PCDHGA7: variants seen among roughly 807,000 people sequenced by gnomAD.
PCDHGA7 encodes protocadherin gamma-A7.
Under a neutral mutation model 58.3 loss-of-function variants are expected in PCDHGA7, and 44 were observed. The observed-to-expected ratio is 0.75, with a 90% CI of 0.59 to 0.97. The LOEUF is 0.97. PCDHGA7 is among the 50% of genes least tolerant of loss of function. PCDHGA7 has a pLI of 0.00. For synonymous variants in PCDHGA7, 516 were observed against 504.2 expected (o/e 1.02, Z -0.31); for missense variants, 1,266 against 1,188.7 (o/e 1.06, Z -0.96).
rs1319222603 is a variant in PCDHGA7 at position 141,438,686 on chromosome 5, A to G, written c.2424+53363A>G. Among the ~76,000 whole-genome samples the G allele has an allele frequency of 2.8e-5, 4 of 140,922 alleles. No homozygotes were observed. The Admixed American group carries it at 2.9e-4, about 10-fold the overall frequency. 92.5% of individuals were successfully genotyped at this position (140,922 alleles called of 152,430 possible). On this transcript the variant is annotated intron_variant, in intron 1 of 3. Transcript: ENST00000518325. ...TATATATATTTGGAGTAGGGGATGGAGTCTTGCTCTGTCACCCAGGCTGGA... is the reference window on the plus strand; with the variant it reads ...TATATATATTTGGAGTAGGGGATGGGGTCTTGCTCTGTCACCCAGGCTGGA...
At chr5:141,393,777 G>A (rs1388423635) in intron 1 of PCDHGA7, 2 of 1,613,916 alleles carry the variant, frequency 1.2e-6, no homozygotes, top group East Asian at 2.2e-5. Context: ...AATACAAGCC[G>A]AAGATGTGGG....
intron 1 of PCDHGA7, among the ~76,000 whole-genome samples, chr5:141,464,193 A>C (rs991769179): frequency 1.3e-5 from 2 of 149,674 alleles, no homozygotes; most frequent in Non-Finnish European, 3.0e-5. Flanking sequence ...TGATTTCAGG[A>C]GGCGGAGATT....
At position 141,382,921 on chromosome 5, in the gene PCDHGA7, G is replaced by A; in HGVS notation, c.22G>A (p.Gly8Arg). MAAQPRG[G>R]DYRGFFLLSI... Reference sequence around the variant, plus strand: ...GACTATGGCGGCTCAGCCGAGGGGCGGGGACTACAGAGGATTCTTCCTGCT... The same window carrying A: ...GACTATGGCGGCTCAGCCGAGGGGCAGGGACTACAGAGGATTCTTCCTGCT... The change falls in exon 1 of 4, where the codon GGG becomes AGG. Residue 8 changes from glycine to arginine, a missense_variant. By Grantham distance (125) the Gly-to-Arg change is moderately radical (BLOSUM62 -2). Transcript: ENST00000518325. 2 of 1,560,324 alleles carry A rather than the reference G, an allele frequency of 1.3e-6. No homozygotes were observed. Among genetic ancestry groups the A allele is most frequent in the South Asian group, 1.2e-5 (1 of 83,946 alleles).
At chr5:141,402,433 A>C (rs1331958085) in intron 1 of PCDHGA7, among the ~76,000 whole-genome samples, 1 of 152,146 alleles carries the variant, frequency 6.6e-6, no homozygotes, top group Non-Finnish European at 1.5e-5. Context: ...GAAGCATCAT[A>C]AAAAGGAAAT....
At chr5:141,422,044 G>C in intron 1 of PCDHGA7, 1 of 1,611,530 alleles carries the variant, frequency 6.2e-7, no homozygotes, top group Admixed American at 1.7e-5. Flanking sequence ...TCCAGACGAG[G>C]GAATCAACGG....
chr5:141,388,326 C>T, intron 1 of PCDHGA7: 1 of 1,613,878 alleles, frequency 6.2e-7, no homozygotes, highest in Non-Finnish European at 8.5e-7. Context: ...GTCTGCACAG[C>T]CTGGCACACG....
rs772190655 is a variant in PCDHGA7 at position 141,384,694 on chromosome 5, G to A, written c.1795G>A (p.Gly599Ser). The A allele has an allele frequency of 6.2e-7, 1 of 1,614,084 alleles. No individual in the cohort carries two copies. The highest frequency in any genetic ancestry group is 8.5e-7 in the Non-Finnish European group (1 of 1,180,018). ...GGTGGTGGCGGTGGACAAAGATTCA[G>A]GCCAGAACGCCTGGCTGTCATACCT... ...TKVVAVDKDS[G>S]QNAWLSYLLL... The change falls in exon 1 of 4, where the codon GGC becomes AGC. Residue 599 changes from glycine to serine, a missense_variant. Gly to Ser is a moderately conservative substitution (Grantham distance 56). Coordinates refer to ENST00000518325, the MANE Select transcript of PCDHGA7 (RefSeq NM_018920.4).
At chr5:141,423,448 T>A (rs780751840) in intron 1 of PCDHGA7, 1 of 1,613,992 alleles carries the variant, frequency 6.2e-7, no homozygotes, top group East Asian at 2.2e-5. Context: ...CACGTCACAT[T>A]TTGTAGGCGT....
intron 2 of PCDHGA7, among the ~76,000 whole-genome samples, chr5:141,495,758 C>T (rs2099763543): frequency 6.6e-6 from 1 of 152,122 alleles, no homozygotes; most frequent in Non-Finnish European, 1.5e-5. Flanking sequence ...ATCTCTGCCT[C>T]CCTGTCCTTG....
At chr5:141,398,698 T>C (rs2093690457) in intron 1 of PCDHGA7, 2 of 1,613,680 alleles carry the variant, frequency 1.2e-6, no homozygotes, top group Admixed American at 1.7e-5. Flanking sequence ...TGGTAGTAAA[T>C]ACCCGGAACT....
At chr5:141,413,177 T>G (rs2095610843) in intron 1 of PCDHGA7, 4 of 1,602,350 alleles carry the variant, frequency 2.5e-6, no homozygotes, top group Non-Finnish European at 3.4e-6. Flanking sequence ...CAGACTACAA[T>G]GGCCGCTCAA....
At chr5:141,439,531 G>A (rs1474855779) in intron 1 of PCDHGA7, among the ~76,000 whole-genome samples, 5 of 152,126 alleles carry the variant, frequency 3.3e-5, no homozygotes, top group Admixed American at 3.3e-4. Flanking sequence ...TCTACAGAAC[G>A]CTGTCCTCTC....
chr5:141,390,095 T>C lies in PCDHGA7; in HGVS notation c.2424+4772T>C, dbSNP rs763642761. 3 of 1,613,972 alleles carry C rather than the reference T, an allele frequency of 1.9e-6. No individual in the cohort carries two copies. In the South Asian group the frequency reaches 3.3e-5, roughly 18 times the overall value. ...TCTGTGTTAAATCCGAATCCGTGGT[T>C]CCCCCCAACTACAGCGAGGGGACTT... On this transcript the variant is annotated intron_variant, in intron 1 of 3. Coordinates refer to ENST00000518325, the MANE Select transcript of PCDHGA7 (RefSeq NM_018920.4).
chr5:141,453,540 A>G (rs890130466), intron 1 of PCDHGA7, among the ~76,000 whole-genome samples: 2 of 152,058 alleles, frequency 1.3e-5, no homozygotes, highest in Non-Finnish European at 2.9e-5. Context: ...CCTCATTCAC[A>G]CCACACTCTG....
Position 141,491,898 on chromosome 5 carries a change from G to C in PCDHGA7, c.2425-2909G>C, listed in dbSNP as rs772673872. 9.0e-5 allele frequency: 129 copies of C among 1,428,816 alleles called. 1 individual carries two copies. In the Middle Eastern group the frequency reaches 2.0e-3, roughly 22 times the overall value. The allele number at this position is 1,428,816 out of a possible 1,614,324, so 88.5% of individuals were successfully genotyped here. On this transcript the variant is annotated intron_variant, in intron 1 of 3. Coordinates refer to ENST00000518325, the MANE Select transcript of PCDHGA7 (RefSeq NM_018920.4). The surrounding 1 kb of genome is among the most constrained non-coding windows in gnomAD (Gnocchi z 6.9). ...ATTAAGGGATGGGGCTCCGAGCACCGGGGGTGGTGGCGACTGTGGGCGAGG... is the reference window on the plus strand; with the variant it reads ...ATTAAGGGATGGGGCTCCGAGCACCCGGGGTGGTGGCGACTGTGGGCGAGG...
chr5:141,433,038 C>A, intron 1 of PCDHGA7: 3 of 1,614,180 alleles, frequency 1.9e-6, no homozygotes, highest in Non-Finnish European at 2.5e-6. Flanking sequence ...GTTTCCCTCA[C>A]CACGGACTCG....
chr5:141,510,272 TAAAA>T (rs546154379), intron 3 of PCDHGA7, among the ~76,000 whole-genome samples: 1 of 130,390 alleles, frequency 7.7e-6, no homozygotes, highest in East Asian at 2.2e-4. Context: ...GACTCCATCT[TAAAA>T]AAAAAAAAAA....
At chr5:141,463,900 C>G (rs879243077) in intron 1 of PCDHGA7, among the ~76,000 whole-genome samples, 4 of 152,168 alleles carry the variant, frequency 2.6e-5, no homozygotes, top group Admixed American at 2.6e-4. Context: ...GCTTTTTGTA[C>G]TAATAATATA....
At chr5:141,499,438 G>A (rs2154592492) in intron 2 of PCDHGA7, among the ~76,000 whole-genome samples, 1 of 152,158 alleles carries the variant, frequency 6.6e-6, no homozygotes, top group Admixed American at 6.5e-5. Context: ...AAAATTAAAA[G>A]GAAAACCACC....
Sources: allele counts gnomAD v4.1 joint callset (sites outside exome capture counted in the v4.1 genomes callset), GRCh38; gene constraint gnomAD v4.1.1; non-coding constraint Gnocchi (gnomAD v3.1); transcripts MANE v1.5; gene names NCBI Gene and HGNC (gene_info 2026-07-23, HGNC 2026-07-21).